The following AGMO variants were observed in gnomAD, a reference collection of about 807,000 sequenced individuals.
The protein encoded by AGMO is alkylglycerol monooxygenase.
In AGMO, 75 loss-of-function variants were observed where a neutral mutation model predicts 60.2. That is an observed-to-expected ratio of 1.25 (90% CI 1.03 to 1.51). The LOEUF is 1.51. Ranked by LOEUF, AGMO falls within the 40% of genes most tolerant of loss-of-function variation. The pLI is 0.00. For missense variants in AGMO, 763 were observed against 525.5 expected, an observed-to-expected ratio of 1.45 and a Z score of -4.42; for synonymous variants, 261 against 177.1, an observed-to-expected ratio of 1.47 and a Z score of -3.76.
At chr7:15,464,414 T>C (rs1562520611) in intron 3 of AGMO, among the ~76,000 whole-genome samples, 1 of 152,238 alleles carries the variant, frequency 6.6e-6, no homozygotes, top group African/African-American at 2.4e-5. Flanking sequence ...GCATGCTGCA[T>C]GTGACATGGT....
At chr7:15,451,448 A>G (rs1372182302) in intron 3 of AGMO, among the ~76,000 whole-genome samples, 1 of 152,186 alleles carries the variant, frequency 6.6e-6, no homozygotes, top group African/African-American at 2.4e-5. Context: ...ATGGAAATGT[A>G]TTGCTCACAG....
At chr7:15,269,095 A>G (rs975883394) in intron 12 of AGMO, among the ~76,000 whole-genome samples, 20 of 152,156 alleles carry the variant, frequency 1.3e-4, no homozygotes, top group African/African-American at 4.6e-4. Context: ...CCACTATTCA[A>G]CTCTGCCAAT....
intron 12 of AGMO, among the ~76,000 whole-genome samples, chr7:15,314,165 T>C (rs4721426): frequency 0.4 from 61,316 of 151,782 alleles, 14,625 homozygotes; most frequent in Non-Finnish European, 0.53. Flanking sequence ...AAAGGTGATT[T>C]ACATCCGGGG....
At chr7:15,286,452 G>C (rs1583364783) in intron 12 of AGMO, among the ~76,000 whole-genome samples, 1 of 151,890 alleles carries the variant, frequency 6.6e-6, no homozygotes, top group Admixed American at 6.6e-5. Flanking sequence ...TATACAAATG[G>C]CCAACAAATA....
intron 12 of AGMO, among the ~76,000 whole-genome samples, chr7:15,248,891 G>T (rs970579754): frequency 6.6e-6 from 1 of 152,168 alleles, no homozygotes. Context: ...GTAAGAAAAC[G>T]TCCTATTTTA....
intron 12 of AGMO, among the ~76,000 whole-genome samples, chr7:15,339,047 T>A (rs1048177311): frequency 6.6e-6 from 1 of 152,162 alleles, no homozygotes; most frequent in East Asian, 1.9e-4. Context: ...TTATAATTTC[T>A]CCAGGTTACT....
At chr7:15,389,945 A>T (rs372094214) in intron 8 of AGMO, among the ~76,000 whole-genome samples, 1 of 152,318 alleles carries the variant, frequency 6.6e-6, no homozygotes, top group African/African-American at 2.4e-5. Context: ...ATGAGCCAGT[A>T]AGTTCCTCAC....
intron 12 of AGMO, among the ~76,000 whole-genome samples, chr7:15,232,802 C>CACACACACAG (rs1491252851): frequency 6.2e-5 from 1 of 16,204 alleles, no homozygotes; most frequent in East Asian, 9.5e-4. Context: ...CACACACACG[C>CACACACACAG]ACACACACAC....
chr7:15,440,398 G>A (rs1225493158), intron 3 of AGMO, among the ~76,000 whole-genome samples: 1 of 152,174 alleles, frequency 6.6e-6, no homozygotes, highest in African/African-American at 2.4e-5. Flanking sequence ...TCTGTGAAGA[G>A]AAGGGAGAAA....
chr7:15,366,367 G>A (rs1234380901), intron 10 of AGMO, 145 bp from the exon 11 acceptor site: 1 of 507,240 alleles, frequency 2.0e-6, no homozygotes, highest in African/African-American at 2.0e-5. Flanking sequence ...TGACTACACA[G>A]AAAACATTTT....
chr7:15,217,978 T>G, intron 12 of AGMO, among the ~76,000 whole-genome samples: 1 of 152,014 alleles, frequency 6.6e-6, no homozygotes, highest in South Asian at 2.1e-4. Flanking sequence ...GGTTTGGTGC[T>G]ATTAAATAAA....
chr7:15,190,380 G>A, the AGMO span, among the ~76,000 whole-genome samples: 1 of 151,858 alleles, frequency 6.6e-6, no homozygotes, highest in African/African-American at 2.4e-5. Context: ...AAGTCAAAAT[G>A]TGGTGGCCTT....
the AGMO span, among the ~76,000 whole-genome samples, chr7:15,118,723 T>C: frequency 8.5e-5 from 13 of 152,120 alleles, no homozygotes; most frequent in East Asian, 1.7e-3. Flanking sequence ...TATGACTAGA[T>C]AAGTAAACCT....
intron 12 of AGMO, among the ~76,000 whole-genome samples, chr7:15,328,377 G>A (rs563851658): frequency 5.3e-4 from 81 of 152,282 alleles, no homozygotes; most frequent in Non-Finnish European, 2.1e-4. Flanking sequence ...GATTACAGGC[G>A]TGAGCCACCA....
intron 12 of AGMO, among the ~76,000 whole-genome samples, chr7:15,348,259 C>T (rs941686359): frequency 6.6e-6 from 1 of 152,062 alleles, no homozygotes; most frequent in Non-Finnish European, 1.5e-5. Flanking sequence ...TCTGTATCCT[C>T]TGTCTTGGGA....
chr7:15,483,914 C>A (rs1438245171), intron 3 of AGMO, among the ~76,000 whole-genome samples: 2 of 152,066 alleles, frequency 1.3e-5, no homozygotes, highest in African/African-American at 2.4e-5. Flanking sequence ...ACCTAATATC[C>A]ATACTTATTA....
chr7:15,166,021 C>G, the AGMO span, among the ~76,000 whole-genome samples: 1 of 151,970 alleles, frequency 6.6e-6, no homozygotes, highest in African/African-American at 2.4e-5. Context: ...GTGTACCTAC[C>G]ATGTGTTGAG....
At chr7:15,287,170 A>C (rs890452750) in intron 12 of AGMO, among the ~76,000 whole-genome samples, 2 of 152,294 alleles carry the variant, frequency 1.3e-5, no homozygotes, top group South Asian at 4.1e-4. Context: ...AGGTTTTACC[A>C]CTATACAATT....
intron 12 of AGMO, among the ~76,000 whole-genome samples, chr7:15,236,544 T>C (rs1222858836): frequency 6.6e-6 from 1 of 152,108 alleles, no homozygotes; most frequent in Non-Finnish European, 1.5e-5. Flanking sequence ...TGCTTCGACA[T>C]GGACATAAGA....
Sources: allele counts gnomAD v4.1 joint callset (sites outside exome capture counted in the v4.1 genomes callset), GRCh38; gene constraint gnomAD v4.1.1; transcripts MANE v1.5; gene names NCBI Gene and HGNC (gene_info 2026-07-23, HGNC 2026-07-21).